The following TAFA2 variants were observed in gnomAD, a reference collection of about 807,000 sequenced individuals.
The protein encoded by TAFA2 is chemokine-like protein TAFA-2.
A neutral mutation model predicts 18.8 loss-of-function variants in TAFA2; 7 were observed. The observed-to-expected ratio is 0.37, with a 90% CI of 0.21 to 0.70. The LOEUF (loss-of-function observed/expected upper bound fraction) is 0.70. TAFA2 is among the 30% of genes least tolerant of loss of function. TAFA2 has a pLI of 0.53. For missense variants in TAFA2, 122 were observed against 158.1 expected (o/e 0.77, Z 1.23); for synonymous variants, 60 against 54.2 (o/e 1.11, Z -0.47).
At chr12:62,134,863 A>G (rs1870833851) in intron 1 of TAFA2, among the ~76,000 whole-genome samples, 1 of 151,982 alleles carries the variant, frequency 6.6e-6, no homozygotes, top group Non-Finnish European at 1.5e-5. Flanking sequence ...CTGCTATTGC[A>G]CATTCCATTC....
chr12:61,741,081 A>T (rs2038254397), intron 4 of TAFA2, among the ~76,000 whole-genome samples: 1 of 152,124 alleles, frequency 6.6e-6, no homozygotes, highest in South Asian at 2.1e-4. Flanking sequence ...AATATACATT[A>T]CTTCAAAATT....
intron 1 of TAFA2, among the ~76,000 whole-genome samples, chr12:62,254,536 A>T (rs993970992): frequency 2.0e-5 from 3 of 152,164 alleles, no homozygotes; most frequent in Non-Finnish European, 4.4e-5. Flanking sequence ...ATCATGTCCA[A>T]TGTATTACAC....
intron 1 of TAFA2, among the ~76,000 whole-genome samples, chr12:62,140,679 G>T (rs966644456): frequency 1.6e-4 from 25 of 152,136 alleles, no homozygotes; most frequent in African/African-American, 6.0e-4. Context: ...ATGTCTGCTT[G>T]GTTTCTCAGG....
intron 1 of TAFA2, among the ~76,000 whole-genome samples, chr12:62,098,948 C>T (rs879577572): frequency 5.9e-5 from 9 of 152,094 alleles, no homozygotes; most frequent in Non-Finnish European, 1.3e-4. Context: ...TATATTTACA[C>T]ATTAAATGTT....
At chr12:61,738,043 T>C (rs1868333751) in intron 4 of TAFA2, among the ~76,000 whole-genome samples, 1 of 152,078 alleles carries the variant, frequency 6.6e-6, no homozygotes, top group African/African-American at 2.4e-5. Context: ...TTTTATTGGT[T>C]ATTCCATTAA....
At position 61,870,955 on chromosome 12, in the gene TAFA2, G is replaced by C. The variant is rs530827846; in HGVS notation, c.-1-3529C>G. 2.0e-5 allele frequency among the ~76,000 whole-genome samples: 3 copies of C among 152,250 alleles called. No individual in the cohort carries two copies. In the East Asian group the frequency reaches 5.8e-4, roughly 29 times the overall value. On this transcript the variant is annotated intron_variant, in intron 1 of 4. Transcript: ENST00000416284. ...CTGTGCCCCATACATTTGTGAATCT[G>C]TAGGATTCATCCAAAGTCCAGCTTA...
chr12:61,724,014 G>T (rs1355284057), intron 4 of TAFA2, among the ~76,000 whole-genome samples: 2 of 152,010 alleles, frequency 1.3e-5, no homozygotes, highest in Non-Finnish European at 2.9e-5. Flanking sequence ...ATAGAACACA[G>T]TAAACAAATA....
intron 1 of TAFA2, among the ~76,000 whole-genome samples, chr12:62,147,282 A>G (rs894633473): frequency 6.9e-6 from 1 of 144,444 alleles, no homozygotes; most frequent in East Asian, 2.0e-4. Context: ...GTGTGTATAT[A>G]TATGTATGTA....
At chr12:62,031,121 T>C (rs113545675) in intron 1 of TAFA2, among the ~76,000 whole-genome samples, 16,812 of 152,066 alleles carry the variant, frequency 0.11, 1,082 homozygotes, top group Non-Finnish European at 0.14. Flanking sequence ...GAGTGTCAAT[T>C]TGATTGGATT....
At chr12:61,731,752 C>T (rs1010288792) in intron 4 of TAFA2, among the ~76,000 whole-genome samples, 11 of 151,946 alleles carry the variant, frequency 7.2e-5, no homozygotes, top group African/African-American at 1.9e-4. Context: ...GTTGAGGACA[C>T]GGAACCTCAG....
chr12:61,769,375 C>T (rs942336077), intron 2 of TAFA2, among the ~76,000 whole-genome samples: 8 of 151,956 alleles, frequency 5.3e-5, no homozygotes, highest in Admixed American at 1.3e-4. Flanking sequence ...AACCTCCCTG[C>T]ACTACCACAG....
At chr12:62,084,677 A>G (rs1001379374) in intron 1 of TAFA2, among the ~76,000 whole-genome samples, 6 of 152,180 alleles carry the variant, frequency 3.9e-5, no homozygotes, top group Non-Finnish European at 5.9e-5. Flanking sequence ...GCTTAGAGGT[A>G]AAAACTGGAC....
At chr12:61,959,100 C>T (rs1481290494) in intron 1 of TAFA2, among the ~76,000 whole-genome samples, 1 of 151,646 alleles carries the variant, frequency 6.6e-6, no homozygotes. Context: ...TATTGTATGC[C>T]CTGATATTTT....
At chr12:61,848,319 C>A (rs983799203) in intron 2 of TAFA2, among the ~76,000 whole-genome samples, 3 of 152,060 alleles carry the variant, frequency 2.0e-5, no homozygotes, top group Non-Finnish European at 4.4e-5. Flanking sequence ...ATTAAGTGTT[C>A]ATTTTAAATA....
intron 1 of TAFA2, among the ~76,000 whole-genome samples, chr12:62,117,776 A>G (rs1870023156): frequency 6.6e-6 from 1 of 152,210 alleles, no homozygotes; most frequent in Admixed American, 6.5e-5. Flanking sequence ...GATAAATAAT[A>G]TAAAAATAGC....
At chr12:62,156,885 G>A (rs973342914) in intron 1 of TAFA2, among the ~76,000 whole-genome samples, 1 of 151,726 alleles carries the variant, frequency 6.6e-6, no homozygotes, top group Non-Finnish European at 1.5e-5. Context: ...ATAACTTAAG[G>A]GAAAAAAATT....
intron 2 of TAFA2, among the ~76,000 whole-genome samples, chr12:61,758,503 G>A (rs1221209015): frequency 6.6e-6 from 1 of 152,154 alleles, no homozygotes; most frequent in Non-Finnish European, 1.5e-5. Context: ...GGTGGGATAT[G>A]TAGGTACAGA....
chr12:61,980,317 A>C (rs937574634), intron 1 of TAFA2, among the ~76,000 whole-genome samples: 2 of 152,204 alleles, frequency 1.3e-5, no homozygotes, highest in Admixed American at 1.3e-4. Context: ...TCAAAATAAT[A>C]AGAGCTATTT....
intron 1 of TAFA2, among the ~76,000 whole-genome samples, chr12:62,117,798 G>A (rs1278532446): frequency 6.6e-6 from 1 of 151,950 alleles, no homozygotes; most frequent in Non-Finnish European, 1.5e-5. Context: ...ACAAAATAGA[G>A]CCTGCCATGC....
Sources: gnomAD v4.1 joint callset for allele counts (sites outside exome capture counted in the v4.1 genomes callset) on GRCh38, gnomAD v4.1.1 for gene constraint, MANE v1.5 for transcripts, NCBI Gene and HGNC (gene_info 2026-07-23, HGNC 2026-07-21) for gene names.